RAB38: variants seen among roughly 807,000 people sequenced by gnomAD.
The protein encoded by RAB38 is ras-related protein Rab-38.
Under a neutral mutation model 18.4 loss-of-function variants are expected in RAB38, and 15 were observed. The observed-to-expected ratio is 0.82, with a 90% CI of 0.55 to 1.26. The LOEUF (loss-of-function observed/expected upper bound fraction) is 1.26, where lower values mean the gene tolerates loss of function less well. RAB38 is among the 50% of genes most tolerant of loss of function. RAB38 has a pLI of 0.00. For synonymous variants in RAB38, 101 were observed against 104.4 expected, an observed-to-expected ratio of 0.97 and a Z score of 0.20; for missense variants, 294 against 267.4, an observed-to-expected ratio of 1.10 and a Z score of -0.69.
chr11:87,949,589 A>T, the RAB38 span, among the ~76,000 whole-genome samples: 2 of 152,172 alleles, frequency 1.3e-5, no homozygotes, highest in South Asian at 4.2e-4. Flanking sequence ...GGTATGTTGT[A>T]TCTTTGTTCT....
chr11:88,009,226 T>G, the RAB38 span, among the ~76,000 whole-genome samples: 1 of 152,130 alleles, frequency 6.6e-6, no homozygotes, highest in Non-Finnish European at 1.5e-5. Context: ...GAAAATAATT[T>G]CTTATCTATG....
the RAB38 span, among the ~76,000 whole-genome samples, chr11:87,968,531 G>A: frequency 6.6e-6 from 1 of 152,028 alleles, no homozygotes; most frequent in South Asian, 2.1e-4. Context: ...AAATAGTGGT[G>A]GTGAGTCAGC....
the RAB38 span, among the ~76,000 whole-genome samples, chr11:87,939,085 A>G: frequency 1.3e-5 from 2 of 151,998 alleles, no homozygotes; most frequent in African/African-American, 2.4e-5. Flanking sequence ...TCAAATGTGT[A>G]TTTGTCACTC....
intron 1 of RAB38, among the ~76,000 whole-genome samples, chr11:88,151,144 C>T (rs935900434): frequency 2.6e-5 from 4 of 152,156 alleles, no homozygotes; most frequent in Non-Finnish European, 5.9e-5. Context: ...TTCTTAAGCA[C>T]TCTAAGTTTA....
the RAB38 span, among the ~76,000 whole-genome samples, chr11:87,865,582 G>A: frequency 6.6e-6 from 1 of 151,624 alleles, no homozygotes; most frequent in South Asian, 2.1e-4. Flanking sequence ...CTTCAAAACC[G>A]TGAGATGAAA....
chr11:88,130,335 G>A (rs931632418), intron 2 of RAB38, among the ~76,000 whole-genome samples: 1 of 152,112 alleles, frequency 6.6e-6, no homozygotes, highest in Non-Finnish European at 1.5e-5. Context: ...GAACAGATTC[G>A]AGCGGTGTCT....
the RAB38 span, among the ~76,000 whole-genome samples, chr11:87,890,400 T>G: frequency 8.0e-3 from 1,221 of 151,970 alleles, 16 homozygotes; most frequent in African/African-American, 0.028. Context: ...CCTATGTTCT[T>G]CTGCTGCTTA....
chr11:87,923,192 G>T, the RAB38 span, among the ~76,000 whole-genome samples: 1 of 151,884 alleles, frequency 6.6e-6, no homozygotes, highest in Non-Finnish European at 1.5e-5. Flanking sequence ...GGTGGTTGAA[G>T]TAGTTATATT....
chr11:87,873,286 A>C, the RAB38 span, among the ~76,000 whole-genome samples: 1 of 151,402 alleles, frequency 6.6e-6, no homozygotes, highest in Non-Finnish European at 1.5e-5. Flanking sequence ...ACCCAGTTTT[A>C]ATATTTGTTT....
At chr11:87,867,075 T>C in the RAB38 span, among the ~76,000 whole-genome samples, 2 of 151,788 alleles carry the variant, frequency 1.3e-5, no homozygotes, top group Non-Finnish European at 2.9e-5. Context: ...AGCCAACCTG[T>C]TCTTGCTCTT....
chr11:87,904,688 C>A, the RAB38 span, among the ~76,000 whole-genome samples: 1 of 142,402 alleles, frequency 7.0e-6, no homozygotes, highest in Admixed American at 6.8e-5. Flanking sequence ...AACTAATTTA[C>A]ATTCCCTCCA....
chr11:87,884,933 CTG>C, the RAB38 span, among the ~76,000 whole-genome samples: 391 of 152,036 alleles, frequency 2.6e-3, no homozygotes, highest in Admixed American at 5.4e-3. Flanking sequence ...GAACATTTAA[CTG>C]TGGGTTTGCT....
the RAB38 span, among the ~76,000 whole-genome samples, chr11:88,066,235 T>C: frequency 6.6e-6 from 1 of 152,224 alleles, no homozygotes; most frequent in Non-Finnish European, 1.5e-5. Flanking sequence ...AGAGGACTTA[T>C]TGAGGTACTG....
chr11:88,103,941 G>C, the RAB38 span, among the ~76,000 whole-genome samples: 2 of 152,124 alleles, frequency 1.3e-5, no homozygotes, highest in Non-Finnish European at 2.9e-5. Flanking sequence ...TTGCCAGAAG[G>C]TGTCGTCAGT....
rs60026669 is a variant in RAB38, at chr11:88,174,620, C to CAAAAAAAAAA, written c.202+553_202+562dup. On this transcript the variant is annotated intron_variant, in intron 1 of 2. Coordinates refer to ENST00000243662, the MANE Select transcript of RAB38 (RefSeq NM_022337.3). ...TACTTGGCTTACTGTAAGCAAAAAG[C>CAAAAAAAAAA]AAAAAAAAAAAAAAAAAAAAACAAA... Among the ~76,000 whole-genome samples, 196 of 100,486 alleles carry CAAAAAAAAAA rather than the reference C, an allele frequency of 2.0e-3. 1 individual carries two copies. The highest frequency in any genetic ancestry group is 2.8e-3 in the East Asian group (8 of 2,830). 65.9% of individuals were successfully genotyped at this position (100,486 alleles called of 152,430 possible).
chr11:87,819,674 A>G, the RAB38 span, among the ~76,000 whole-genome samples: 9,123 of 147,546 alleles, frequency 0.062, 386 homozygotes, highest in Admixed American at 0.084. Flanking sequence ...ATATATATAT[A>G]TGTGTATATA....
At chr11:88,026,559 T>TCA in the RAB38 span, among the ~76,000 whole-genome samples, 1 of 75,508 alleles carries the variant, frequency 1.3e-5, no homozygotes, top group East Asian at 4.5e-4. Context: ...CGAGACTCTG[T>TCA]CACAAAAAAA....
At chr11:87,944,657 T>C in the RAB38 span, among the ~76,000 whole-genome samples, 6 of 152,184 alleles carry the variant, frequency 3.9e-5, no homozygotes, top group Non-Finnish European at 7.3e-5. Flanking sequence ...TATCTGGATA[T>C]CTTAAACAGT....
At chr11:87,949,127 T>A in the RAB38 span, among the ~76,000 whole-genome samples, 2 of 152,322 alleles carry the variant, frequency 1.3e-5, no homozygotes, top group Admixed American at 6.5e-5. Flanking sequence ...GGAGGGTGTA[T>A]GTGTCGAAGA....
Sources: allele counts gnomAD v4.1 joint callset (sites outside exome capture counted in the v4.1 genomes callset), GRCh38; gene constraint gnomAD v4.1.1; transcripts MANE v1.5; gene names NCBI Gene and HGNC (gene_info 2026-07-23, HGNC 2026-07-21).